The following RFTN2 variants were observed in gnomAD, a reference collection of about 807,000 sequenced individuals.
RFTN2 encodes the protein raftlin-2.
Under a neutral mutation model 52.7 loss-of-function variants are expected in RFTN2, and 34 were observed. The observed-to-expected ratio is 0.64, with a 90% CI of 0.49 to 0.86. The LOEUF is 0.86. Among genes scored for constraint, RFTN2 ranks in the 40% least tolerant of loss-of-function variants. The probability of loss-of-function intolerance (pLI) is 0.00; values close to 1 mark genes in which losing one functional copy is unlikely to be tolerated. For missense variants in RFTN2, 536 were observed against 600.1 expected (o/e 0.89, Z 1.12); for synonymous variants, 203 against 217.7 (o/e 0.93, Z 0.59).
At position 197,572,159 on chromosome 2, in the gene RFTN2, A is replaced by G. The variant is rs763428779; in HGVS notation, c.1355T>C (p.Leu452Pro). 1.2e-6 allele frequency: 2 copies of G among 1,614,214 alleles called. No individual in the cohort carries two copies. Among genetic ancestry groups the G allele is most frequent in the East Asian group, 4.5e-5 (2 of 44,888 alleles). The part of the protein sequence containing the change: ...ESRHLPEECR[L>P]SPSRECWTKE... ...TGTCCAGCATTCCCGGGAGGGAGAAAGGCGGCACTCCTCAGGCAGGTGTCT... is the reference window on the plus strand; with the variant it reads ...TGTCCAGCATTCCCGGGAGGGAGAAGGGCGGCACTCCTCAGGCAGGTGTCT... Residue 452 changes from leucine (L) to proline (P), a missense_variant, in exon 9 of 9, where the codon CTT becomes CCT. Transcript: ENST00000295049.
intron 6 of RFTN2, 75 bp from the exon 7 acceptor site, chr2:197,616,054 G>A: frequency 1.2e-6 from 1 of 860,982 alleles, no homozygotes; most frequent in Non-Finnish European, 1.9e-6. Context: ...AAAGGGTGAT[G>A]CGTGTTAGGA....
At chr2:197,668,241 G>A (rs1213737805) in intron 1 of RFTN2, among the ~76,000 whole-genome samples, 2 of 152,112 alleles carry the variant, frequency 1.3e-5, no homozygotes, top group Non-Finnish European at 2.9e-5. Context: ...GTGTGCTCTG[G>A]CATGTTGAGG....
intron 1 of RFTN2, among the ~76,000 whole-genome samples, chr2:197,674,116 A>G (rs978888695): frequency 1.3e-5 from 2 of 152,270 alleles, no homozygotes; most frequent in East Asian, 1.9e-4. Context: ...CATTTTTAAC[A>G]TTCATAATTT....
intron 5 of RFTN2, among the ~76,000 whole-genome samples, chr2:197,620,207 A>G (rs1289500242): frequency 6.6e-6 from 1 of 152,166 alleles, no homozygotes; most frequent in Admixed American, 6.5e-5. Context: ...AATAAGAAAA[A>G]CAGGGACAGG....
intron 4 of RFTN2, among the ~76,000 whole-genome samples, chr2:197,632,553 T>G (rs1269786327): frequency 6.6e-6 from 1 of 152,228 alleles, no homozygotes; most frequent in African/African-American, 2.4e-5. Context: ...CTTTCCTTTA[T>G]AAATTACCCA....
intron 7 of RFTN2, among the ~76,000 whole-genome samples, chr2:197,600,741 G>C (rs1156271193): frequency 6.6e-6 from 1 of 152,128 alleles, no homozygotes; most frequent in African/African-American, 2.4e-5. Context: ...CCTACAAAAA[G>C]GTTCATCCAA....
rs935187481 is a variant in RFTN2, at chr2:197,569,137, C to T, written c.*2871G>A. Reference sequence around the variant, plus strand: ...TACAATCCAAAGGGGATGGAATTAACACTTGGTATTGAAAACGAAGATGAA... The same window carrying T: ...TACAATCCAAAGGGGATGGAATTAATACTTGGTATTGAAAACGAAGATGAA... On this transcript the variant is annotated 3_prime_UTR_variant, in exon 9 of 9. Coordinates refer to ENST00000295049, the MANE Select transcript of RFTN2 (RefSeq NM_144629.3). The T allele has an allele frequency of 1.7e-4, 26 of 152,158 alleles. 1 individual carries two copies. Among genetic ancestry groups the T allele is most frequent in the Non-Finnish European group, 5.9e-5 (4 of 68,020 alleles). The allele number at this position is 152,158 out of a possible 1,614,324, so 9.4% of individuals were successfully genotyped here.
In RFTN2 at chr2:197,631,076, G is replaced by A. The variant is rs1272151962; in HGVS notation, c.863C>T (p.Thr288Ile). ...STLDADWLEL[T>I]TFYYKQGLSL... ...CAAGCCTTGTTTATAATAAAAGGTA[G>A]TTAACTCCAGCCAATCAGCATCAAG... The change falls in exon 5 of 9, where the codon ACT (threonine) becomes ATT (isoleucine). Residue 288 changes from threonine to isoleucine, a missense_variant. Coordinates refer to ENST00000295049, the MANE Select transcript of RFTN2 (RefSeq NM_144629.3). 1.9e-6 allele frequency: 3 copies of A among 1,613,272 alleles called. No individual in the cohort carries two copies. The highest frequency in any genetic ancestry group is 3.3e-5 in the Admixed American group (2 of 59,990).
chr2:197,583,472 C>A (rs2087543648), intron 8 of RFTN2, among the ~76,000 whole-genome samples: 1 of 152,120 alleles, frequency 6.6e-6, no homozygotes, highest in African/African-American at 2.4e-5. Flanking sequence ...AGTCAAATCA[C>A]CCCAGCAGTT....
chr2:197,616,022 C>A (rs781691198), intron 6 of RFTN2, 43 bp from the exon 7 acceptor site: 1 of 1,139,318 alleles, frequency 8.8e-7, no homozygotes, highest in South Asian at 1.3e-5. Flanking sequence ...ATGGCAAAGA[C>A]AACCAACTAC....
In RFTN2 at chr2:197,611,188, T is replaced by C. The variant is rs558141380; in HGVS notation, c.1154+4688A>G. Among the ~76,000 whole-genome samples the C allele has an allele frequency of 2.6e-5, 4 of 152,346 alleles. No individual in the cohort carries two copies. The South Asian group carries it at 6.2e-4, about 24-fold the overall frequency. On this transcript the variant is annotated intron_variant, in intron 7 of 8. Transcript: ENST00000295049. ...ATTGAGATAATTTCAGAAGGAATGG[T>C]ACCAGCTCCTCTTTGTACCTCTGGT...
chr2:197,674,595 T>G (rs2089191782), intron 1 of RFTN2, among the ~76,000 whole-genome samples: 1 of 152,146 alleles, frequency 6.6e-6, no homozygotes, highest in South Asian at 2.1e-4. Flanking sequence ...AAAAGCTGCT[T>G]TGTCTGTGCA....
chr2:197,572,862 A>G (rs1219793293), intron 8 of RFTN2, among the ~76,000 whole-genome samples: 3 of 152,090 alleles, frequency 2.0e-5, no homozygotes, highest in Non-Finnish European at 4.4e-5. Context: ...TCCCATGAAT[A>G]AGTATCATGA....
chr2:197,660,219 A>C (rs2088958673), intron 1 of RFTN2, among the ~76,000 whole-genome samples: 1 of 152,240 alleles, frequency 6.6e-6, no homozygotes, highest in Non-Finnish European at 1.5e-5. Context: ...AAATTCCGAC[A>C]TGAGCTGGGT....
intron 3 of RFTN2, among the ~76,000 whole-genome samples, chr2:197,637,681 A>G (rs2088591894): frequency 6.6e-6 from 1 of 151,716 alleles, no homozygotes; most frequent in Non-Finnish European, 1.5e-5. Context: ...GATCCTTTCA[A>G]AAAACCAGCT....
Position 197,628,370 on chromosome 2 carries a change from G to T in RFTN2, c.928+2641C>A, listed in dbSNP as rs932043035. Among the ~76,000 whole-genome samples, 64 of 152,160 alleles carry T rather than the reference G, an allele frequency of 4.2e-4. 2 individuals are homozygous for T. The highest frequency in any genetic ancestry group is 2.9e-5 in the Non-Finnish European group (2 of 68,030). ...CTCCGTGACCCCCTCCACCCCATGA[G>T]CTGCTGAGAGAGGGAGTCTCCCTGG... is the stretch of plus-strand genomic sequence containing the variant. On this transcript the variant is annotated intron_variant, in intron 5 of 8. Transcript: ENST00000295049.
intron 8 of RFTN2, among the ~76,000 whole-genome samples, chr2:197,575,496 T>G (rs1042409579): frequency 1.3e-5 from 2 of 152,186 alleles, no homozygotes; most frequent in East Asian, 3.9e-4. Flanking sequence ...TCAGACTCTC[T>G]GATCAACTGT....
chr2:197,648,930 T>C (rs976812664), intron 1 of RFTN2, among the ~76,000 whole-genome samples: 2 of 152,226 alleles, frequency 1.3e-5, no homozygotes, highest in African/African-American at 4.8e-5. Flanking sequence ...TATTTGTTTA[T>C]ATGTCTTGGC....
In RFTN2 at chr2:197,580,572, C is replaced by T. The variant is rs1321304851; in HGVS notation, c.1234-8292G>A. Among the ~76,000 whole-genome samples the T allele has an allele frequency of 2.2e-4, 34 of 152,254 alleles. 1 individual carries two copies. Among genetic ancestry groups the T allele is most frequent in the Admixed American group, 2.2e-3 (34 of 15,286 alleles). On this transcript the variant is annotated intron_variant, in intron 8 of 8. Coordinates refer to ENST00000295049, the MANE Select transcript of RFTN2 (RefSeq NM_144629.3). ...TGACTGACTTCTTCCCAGATCTTCT[C>T]AGCTTAAAGGCTGAAGGCTGATGCT...
Sources: gnomAD v4.1 joint callset for allele counts (sites outside exome capture counted in the v4.1 genomes callset) on GRCh38, gnomAD v4.1.1 for gene constraint, MANE v1.5 for transcripts, NCBI Gene and HGNC (gene_info 2026-07-23, HGNC 2026-07-21) for gene names.